The following ST3GAL4 variants were observed in gnomAD, a reference collection of about 807,000 sequenced individuals.
The protein encoded by ST3GAL4 is ST3 beta-galactoside alpha-2,3-sialyltransferase 4.
Under a neutral mutation model 42.6 loss-of-function variants are expected in ST3GAL4, and 24 were observed. The observed-to-expected ratio is 0.56, with a 90% CI of 0.41 to 0.79. ST3GAL4 has a LOEUF of 0.79. ST3GAL4 is among the 30% of genes least tolerant of loss of function. ST3GAL4 has a pLI of 0.00. For missense variants in ST3GAL4, 311 were observed against 430.8 expected (o/e 0.72, Z 2.46); for synonymous variants, 135 against 163.2 (o/e 0.83, Z 1.32).
At chr11:126,407,867 C>T (rs2135549239) in intron 6 of ST3GAL4, among the ~76,000 whole-genome samples, 1 of 152,250 alleles carries the variant, frequency 6.6e-6, no homozygotes, top group South Asian at 2.1e-4. Context: ...CCCATGCCTT[C>T]CCTCCACTCC....
Position 126,376,500 on chromosome 11 carries a change from A to T in ST3GAL4, c.-61+20658A>T, listed in dbSNP as rs975269464. Reference sequence around the variant, plus strand: ...CTTGTTGGAAGTTTCCTAGTCACATAACCATATGTTAGTTGGCTACTTATG... The same window carrying T: ...CTTGTTGGAAGTTTCCTAGTCACATTACCATATGTTAGTTGGCTACTTATG... On this transcript the variant is annotated intron_variant, in intron 1 of 10. Coordinates refer to ENST00000444328, the MANE Select transcript of ST3GAL4 (RefSeq NM_001254757.2). This position sits in a 1 kb window ranked among gnomAD's most constrained non-coding sequence, Gnocchi z 5.1. Among the ~76,000 whole-genome samples the T allele has an allele frequency of 1.2e-4, 18 of 152,240 alleles. 1 individual carries two copies. Among genetic ancestry groups the T allele is most frequent in the Non-Finnish European group, 1.5e-5 (1 of 68,044 alleles).
At chr11:126,408,576 C>A in intron 8 of ST3GAL4, 80 bp downstream of exon 8, 2 of 1,518,524 alleles carry the variant, frequency 1.3e-6, no homozygotes, top group Non-Finnish European at 1.8e-6. Flanking sequence ...TCCTTGATGT[C>A]CGCCTGGCAG....
chr11:126,369,355 C>G (rs1406812018), intron 1 of ST3GAL4, among the ~76,000 whole-genome samples: 1 of 151,988 alleles, frequency 6.6e-6, no homozygotes, highest in East Asian at 1.9e-4. Context: ...TCAAGCGATT[C>G]TCATGCCTCA....
rs1414020691 is a variant in ST3GAL4 at position 126,396,578 on chromosome 11, C to T, written c.-60-9518C>T. On this transcript the variant is annotated intron_variant, in intron 1 of 10. Transcript: ENST00000444328. This position sits in a 1 kb window ranked among gnomAD's most constrained non-coding sequence, Gnocchi z 5.8. Reference sequence around the variant, plus strand: ...CGTGGCTGAGAAGGGGCTCGACAGGCTCTTCGTCACTGTGCGGAGCCTTCG... The same window carrying T: ...CGTGGCTGAGAAGGGGCTCGACAGGTTCTTCGTCACTGTGCGGAGCCTTCG... 1.3e-5 allele frequency among the ~76,000 whole-genome samples: 2 copies of T among 151,872 alleles called. No homozygotes were observed. The highest frequency in any genetic ancestry group is 2.9e-5 in the Non-Finnish European group (2 of 68,026).
chr11:126,374,797 T>G (rs1292800493), intron 1 of ST3GAL4, among the ~76,000 whole-genome samples: 5 of 152,098 alleles, frequency 3.3e-5, no homozygotes, highest in Non-Finnish European at 5.9e-5. Context: ...TTCTTGGCAC[T>G]TGCAATTAGC....
In ST3GAL4 at chr11:126,411,561, G is replaced by T. The variant is rs958114748; in HGVS notation, c.772-1944G>T. On this transcript the variant is annotated intron_variant, in intron 9 of 10. Transcript: ENST00000444328. The surrounding 1 kb of genome is among the most constrained non-coding windows in gnomAD (Gnocchi z 6.3). ...GGGTGTGGCTGGTTCTCTGTTTAGG[G>T]TGTCACAAGGCTGGACTCGGTGTGT... Among the ~76,000 whole-genome samples, 4 of 152,166 alleles carry T rather than the reference G, an allele frequency of 2.6e-5. No homozygotes were observed. Among genetic ancestry groups the T allele is most frequent in the African/African-American group, 4.8e-5 (2 of 41,442 alleles).
In ST3GAL4 at chr11:126,406,695, T is replaced by C; in HGVS notation, c.101+138T>C. The C allele has an allele frequency of 9.8e-7, 1 of 1,016,864 alleles. No homozygotes were observed. The highest frequency in any genetic ancestry group is 1.4e-6 in the Non-Finnish European group (1 of 701,030). 63.0% of individuals were successfully genotyped at this position (1,016,864 alleles called of 1,614,324 possible). A position where few individuals can be genotyped will look rare whatever the true frequency, so the allele number is the denominator to read the frequency against. On this transcript the variant is annotated intron_variant, in intron 3 of 10. Coordinates refer to ENST00000444328, the MANE Select transcript of ST3GAL4 (RefSeq NM_001254757.2). The surrounding 1 kb of genome is among the most constrained non-coding windows in gnomAD (Gnocchi z 5.4). The stretch of plus-strand genomic sequence containing the variant: ...ATGACCTCATCCCTTCAGCTGCTGG[T>C]ACGGAGTGTTTCCATGAGGGTGGGT...
chr11:126,369,257 G>GC (rs1026938233), intron 1 of ST3GAL4, among the ~76,000 whole-genome samples: 21 of 137,308 alleles, frequency 1.5e-4, no homozygotes, highest in Admixed American at 1.0e-3. Flanking sequence ...TCTTTTTTTT[G>GC]GGGGGGGGAG....
At position 126,409,405 on chromosome 11, in the gene ST3GAL4, T is replaced by G; in HGVS notation, c.765T>G (p.Ile255Met). ...LSLPMQQPRK[I>M]KQKPTTGLLA... Reference sequence around the variant, plus strand: ...TGCCAATGCAACAGCCACGGAAGATTAAGCAGGTGATGATGGGAAGTCAGG... The same window carrying G: ...TGCCAATGCAACAGCCACGGAAGATGAAGCAGGTGATGATGGGAAGTCAGG... Residue 255 changes from isoleucine to methionine, a missense_variant, in exon 9 of 11, where the codon ATT (isoleucine) becomes ATG (methionine). Transcript: ENST00000444328. This position sits in a 1 kb window ranked among gnomAD's most constrained non-coding sequence, Gnocchi z 4.9. The G allele has an allele frequency of 2.5e-6, 4 of 1,614,200 alleles. No individual in the cohort carries two copies. Among genetic ancestry groups the G allele is most frequent in the Non-Finnish European group, 3.4e-6 (4 of 1,180,036 alleles).
intron 1 of ST3GAL4, among the ~76,000 whole-genome samples, chr11:126,357,423 G>C (rs1952108463): frequency 6.6e-6 from 1 of 152,156 alleles, no homozygotes; most frequent in Non-Finnish European, 1.5e-5. Flanking sequence ...GGCAGAGTGG[G>C]TGTCTTTAGC....
At chr11:126,395,607 T>C (rs1953713592) in intron 1 of ST3GAL4, among the ~76,000 whole-genome samples, 2 of 152,080 alleles carry the variant, frequency 1.3e-5, no homozygotes, top group African/African-American at 4.8e-5. Flanking sequence ...TGGTGGGAGA[T>C]AATTGAATCA....
At position 126,406,775 on chromosome 11, in the gene ST3GAL4, G is replaced by T; in HGVS notation, c.102-168G>T. The T allele has an allele frequency of 1.1e-6, 1 of 915,998 alleles. No individual in the cohort carries two copies. Among genetic ancestry groups the T allele is most frequent in the East Asian group, 2.6e-5 (1 of 39,204 alleles). The allele number at this position is 915,998 out of a possible 1,614,324, so 56.7% of individuals were successfully genotyped here. On this transcript the variant is annotated intron_variant, in intron 3 of 10. Transcript: ENST00000444328. The surrounding 1 kb of genome is among the most constrained non-coding windows in gnomAD (Gnocchi z 5.4). The stretch of plus-strand genomic sequence containing the variant: ...CCCTCACCCAGGGAGTGCAGGGGCA[G>T]GAAGACCTGGATCCTCAAGGACTTG...
rs575066848 is a variant in ST3GAL4, at chr11:126,409,607, C to T, written c.771+196C>T. Among the ~76,000 whole-genome samples, 1 of 152,080 alleles carries T rather than the reference C, an allele frequency of 6.6e-6. No individual in the cohort carries two copies. The highest frequency in any genetic ancestry group is 2.1e-4 in the South Asian group (1 of 4,824). On this transcript the variant is annotated intron_variant, in intron 9 of 10. Transcript: ENST00000444328. The surrounding 1 kb of genome is among the most constrained non-coding windows in gnomAD (Gnocchi z 4.9). ...ACTTTAGAGAACCAAGGGGCATTTACTAAGTGGGGAGGGATGGGGATGGCC... is the reference window on the plus strand; with the variant it reads ...ACTTTAGAGAACCAAGGGGCATTTATTAAGTGGGGAGGGATGGGGATGGCC...
At chr11:126,413,846 C>G in intron 10 of ST3GAL4, 115 bp from the exon 11 acceptor site, 1 of 1,423,764 alleles carries the variant, frequency 7.0e-7, no homozygotes, top group Non-Finnish European at 9.7e-7. Flanking sequence ...AAGAGCCAGC[C>G]TGGGGAAGGG....
intron 1 of ST3GAL4, among the ~76,000 whole-genome samples, chr11:126,394,274 G>C (rs1953640747): frequency 6.6e-6 from 1 of 152,236 alleles, no homozygotes; most frequent in South Asian, 2.1e-4. Context: ...ACCAGGACCT[G>C]GGGCAGGTCC....
At chr11:126,374,262 G>C (rs1307736033) in intron 1 of ST3GAL4, among the ~76,000 whole-genome samples, 4 of 151,800 alleles carry the variant, frequency 2.6e-5, no homozygotes, top group African/African-American at 9.7e-5. Context: ...GACCAGCCTG[G>C]ACAACATGGG....
intron 1 of ST3GAL4, among the ~76,000 whole-genome samples, chr11:126,394,837 G>A (rs1045863085): frequency 4.1e-5 from 6 of 145,102 alleles, no homozygotes; most frequent in African/African-American, 1.5e-4. Context: ...GGATGGTGGG[G>A]GGTGGGTGGG....
chr11:126,414,294 T>A lies in ST3GAL4; in HGVS notation c.*247T>A. 1.8e-6 allele frequency: 1 copy of A among 557,584 alleles called. No individual in the cohort carries two copies. The highest frequency in any genetic ancestry group is 2.2e-5 in the South Asian group (1 of 45,902). The allele number at this position is 557,584 out of a possible 1,614,324, so 34.5% of individuals were successfully genotyped here. On this transcript the variant is annotated 3_prime_UTR_variant, in exon 11 of 11. Transcript: ENST00000444328. ...GGCCAGGGCAGGGGGCTCGTTGCTG[T>A]GGCACCCCCTCTCTGCCAGCACCAA...
chr11:126,402,684 G>A (rs910725152), intron 1 of ST3GAL4, among the ~76,000 whole-genome samples: 1 of 152,156 alleles, frequency 6.6e-6, no homozygotes, highest in Non-Finnish European at 1.5e-5. Context: ...TTGGTTGGGC[G>A]GGTACCTGCT....
Sources: gnomAD v4.1 joint callset for allele counts (sites outside exome capture counted in the v4.1 genomes callset) on GRCh38, gnomAD v4.1.1 for gene constraint, Gnocchi (gnomAD v3.1) non-coding constraint, MANE v1.5 for transcripts, NCBI Gene and HGNC (gene_info 2026-07-23, HGNC 2026-07-21) for gene names.